Variants in PCDHA6 observed in about 807,000 individuals in gnomAD.
The protein encoded by PCDHA6 is protocadherin alpha 6, also known as protocadherin alpha-6.
A neutral mutation model predicts 60.3 loss-of-function variants in PCDHA6; 55 were observed. The ratio of observed to expected loss-of-function variants is 0.91; its 90% CI spans 0.73 to 1.14. The LOEUF (loss-of-function observed/expected upper bound fraction) is 1.14, where lower values mean the gene tolerates loss of function less well. Ranked by LOEUF, PCDHA6 falls within the 50% of genes most tolerant of loss-of-function variation. PCDHA6 has a pLI of 0.00. For missense variants in PCDHA6, 1,327 were observed against 1,256.5 expected (o/e 1.06, Z -0.85); for synonymous variants, 652 against 557.9 (o/e 1.17, Z -2.38).
chr5:140,941,461 G>A (rs1202773112), intron 1 of PCDHA6, among the ~76,000 whole-genome samples: 7 of 150,524 alleles, frequency 4.7e-5, no homozygotes, highest in Non-Finnish European at 7.4e-5. Context: ...GATTACAGGC[G>A]CCCACCACCA....
At chr5:140,836,236 C>G (rs2150256110) in intron 1 of PCDHA6, 11 of 1,613,794 alleles carry the variant, frequency 6.8e-6, no homozygotes, top group Middle Eastern at 1.6e-4. Context: ...GCGGCCGGTG[C>G]GAGCATCCCG....
chr5:140,908,456 T>C (rs557022321), intron 1 of PCDHA6, among the ~76,000 whole-genome samples: 2 of 152,174 alleles, frequency 1.3e-5, no homozygotes, highest in South Asian at 4.1e-4. Context: ...GCTAGATGGA[T>C]CAGAAAGCAC....
At chr5:140,998,287 G>A (rs1209811850) in intron 3 of PCDHA6, among the ~76,000 whole-genome samples, 3 of 152,154 alleles carry the variant, frequency 2.0e-5, no homozygotes, top group Non-Finnish European at 4.4e-5. Flanking sequence ...GATTAAATCA[G>A]ATCACACATT....
At chr5:140,997,816 T>C (rs1363819907) in intron 3 of PCDHA6, among the ~76,000 whole-genome samples, 1 of 152,232 alleles carries the variant, frequency 6.6e-6, no homozygotes, top group African/African-American at 2.4e-5. Flanking sequence ...TGTTGGTATC[T>C]ATGTTTTCTA....
At chr5:140,858,296 C>A in intron 1 of PCDHA6, 2 of 1,597,508 alleles carry the variant, frequency 1.3e-6, no homozygotes, top group Non-Finnish European at 1.7e-6. Flanking sequence ...GTCTTACTCG[C>A]AGCAGAGGCG....
chr5:140,854,300 G>A lies in PCDHA6; in HGVS notation c.2394+23815G>A, dbSNP rs193127815. The A allele has an allele frequency of 1.0e-3, 435 of 414,882 alleles. 8 individuals are homozygous for A. Among genetic ancestry groups the A allele is most frequent in the African/African-American group, 1.4e-3 (63 of 46,296 alleles). The allele number at this position is 414,882 out of a possible 1,614,324, so 25.7% of individuals were successfully genotyped here. The stretch of plus-strand genomic sequence containing the variant: ...GAGTTTAGTTTTTATTATTTTGTGC[G>A]TGGAGATGATTGATCAATGGCAAAC... On this transcript the variant is annotated intron_variant, in intron 1 of 3. Coordinates refer to ENST00000529310, the MANE Select transcript of PCDHA6 (RefSeq NM_018909.4).
intron 1 of PCDHA6, chr5:140,967,013 G>A: frequency 1.9e-6 from 3 of 1,606,874 alleles, no homozygotes; most frequent in Non-Finnish European, 2.5e-6. Flanking sequence ...CAACCATCTG[G>A]GTGCGCCCAG....
intron 1 of PCDHA6, among the ~76,000 whole-genome samples, chr5:140,920,281 A>G (rs1227812998): frequency 6.6e-6 from 1 of 152,176 alleles, no homozygotes; most frequent in Admixed American, 6.5e-5. Flanking sequence ...GTAATCTTAT[A>G]TTTTTTAGAG....
chr5:141,005,333 A>T (rs1554260005), intron 3 of PCDHA6, among the ~76,000 whole-genome samples: 1 of 152,224 alleles, frequency 6.6e-6, no homozygotes, highest in Non-Finnish European at 1.5e-5. Flanking sequence ...TAATAGGCCA[A>T]GGGGGTGCTG....
intron 1 of PCDHA6, chr5:140,882,139 A>G (rs1185324508): frequency 6.0e-6 from 9 of 1,489,890 alleles, no homozygotes; most frequent in South Asian, 4.2e-5. Context: ...TGCAGAAAAT[A>G]TAGCAGAAAG....
intron 1 of PCDHA6, among the ~76,000 whole-genome samples, chr5:140,900,291 T>C (rs1397328670): frequency 6.6e-6 from 1 of 151,992 alleles, no homozygotes; most frequent in East Asian, 2.0e-4. Flanking sequence ...TTCTTTTCTG[T>C]TTTTTTAGAC....
rs2098416660 is a variant in PCDHA6, at chr5:141,010,249, T to C, written c.*312T>C. ...GCCCCGCCAGTGAGAGGTTGGACTC[T>C]CTGCCCTGTGCTCCGGGGATCCTGT... On this transcript the variant is annotated 3_prime_UTR_variant, in exon 4 of 4. Coordinates refer to ENST00000529310, the MANE Select transcript of PCDHA6 (RefSeq NM_018909.4). 2 of 1,551,772 alleles carry C rather than the reference T, an allele frequency of 1.3e-6. No homozygotes were observed. Among genetic ancestry groups the C allele is most frequent in the Non-Finnish European group, 1.7e-6 (2 of 1,147,036 alleles).
chr5:140,969,075 A>G, intron 1 of PCDHA6: 1 of 1,614,184 alleles, frequency 6.2e-7, no homozygotes, highest in Non-Finnish European at 8.5e-7. Flanking sequence ...AGGATACCGC[A>G]TGGCCTCAAA....
chr5:140,966,603 G>T, intron 1 of PCDHA6: 1 of 656,454 alleles, frequency 1.5e-6, no homozygotes, highest in East Asian at 3.4e-5. Context: ...AGGAGCCCTT[G>T]GGAGGGCCTA....
intron 1 of PCDHA6, chr5:140,883,577 G>C: frequency 1.2e-6 from 2 of 1,614,052 alleles, no homozygotes; most frequent in South Asian, 1.1e-5. Context: ...TTCGCTGTGG[G>C]CCACGGCCAG....
chr5:140,849,753 G>C (rs1294538786), intron 1 of PCDHA6: 1 of 1,598,398 alleles, frequency 6.3e-7, no homozygotes, highest in Non-Finnish European at 8.6e-7. Flanking sequence ...GAGTGTGTCC[G>C]CCTACGAGCT....
intron 1 of PCDHA6, among the ~76,000 whole-genome samples, chr5:140,931,398 T>C: frequency 6.6e-6 from 1 of 152,112 alleles, no homozygotes; most frequent in African/African-American, 2.4e-5. Context: ...AAGTAAGCGA[T>C]AGGAAGGCTG....
At chr5:140,957,398 T>A (rs1162675184) in intron 1 of PCDHA6, among the ~76,000 whole-genome samples, 1 of 152,186 alleles carries the variant, frequency 6.6e-6, no homozygotes, top group Non-Finnish European at 1.5e-5. Flanking sequence ...ATTGTCCTAA[T>A]TTATTATTAT....
Position 140,850,160 on chromosome 5 carries a change from G to A in PCDHA6, c.2394+19675G>A, listed in dbSNP as rs2150470275. On this transcript the variant is annotated intron_variant, in intron 1 of 3. Coordinates refer to ENST00000529310, the MANE Select transcript of PCDHA6 (RefSeq NM_018909.4). ...GCAACGTGACGCTGCAGGTGTTCGT[G>A]CTGGACGAGAACGACAATGCGCCGG... 5 of 1,595,068 alleles carry A rather than the reference G, an allele frequency of 3.1e-6. No homozygotes were observed. The Admixed American group carries it at 6.7e-5, about 22-fold the overall frequency.
Sources: allele counts gnomAD v4.1 joint callset (sites outside exome capture counted in the v4.1 genomes callset), GRCh38; gene constraint gnomAD v4.1.1; transcripts MANE v1.5; gene names NCBI Gene and HGNC (gene_info 2026-07-23, HGNC 2026-07-21).